The following KLF12 variants were observed in gnomAD, a reference collection of about 807,000 sequenced individuals.
The protein encoded by KLF12 is Krueppel-like factor 12.
In KLF12, 9 loss-of-function variants were observed where a neutral mutation model predicts 37.8. That is an observed-to-expected ratio of 0.24 (90% CI 0.14 to 0.42). The LOEUF (loss-of-function observed/expected upper bound fraction) is 0.42, where lower values mean the gene tolerates loss of function less well. Among genes scored for constraint, KLF12 ranks in the 10% least tolerant of loss-of-function variants. The pLI is 1.00. For synonymous variants in KLF12, 208 were observed against 202.1 expected (o/e 1.03, Z -0.25); for missense variants, 411 against 516.0 (o/e 0.80, Z 1.97).
At chr13:74,071,556 G>A (rs112177440) in intron 1 of KLF12, among the ~76,000 whole-genome samples, 23,985 of 151,864 alleles carry the variant, frequency 0.16, 1,990 homozygotes, top group African/African-American at 0.18. Flanking sequence ...AGCCGGGCGT[G>A]GTGGCAGGCG....
At chr13:73,911,212 T>C (rs925109540) in intron 3 of KLF12, among the ~76,000 whole-genome samples, 2 of 152,134 alleles carry the variant, frequency 1.3e-5, no homozygotes, top group African/African-American at 4.8e-5. Flanking sequence ...CATAAATGTA[T>C]ACAATTATTT....
the KLF12 span, among the ~76,000 whole-genome samples, chr13:74,175,405 T>C: frequency 6.6e-6 from 1 of 152,216 alleles, no homozygotes; most frequent in Non-Finnish European, 1.5e-5. Flanking sequence ...TATTTTCTAA[T>C]AGAGAGGTAA....
chr13:74,202,147 C>T, the KLF12 span, among the ~76,000 whole-genome samples: 1 of 152,124 alleles, frequency 6.6e-6, no homozygotes, highest in Non-Finnish European at 1.5e-5. Flanking sequence ...TCTTAAAGGT[C>T]TTTTGTATTT....
chr13:73,927,983 G>A (rs1889482499), intron 3 of KLF12, among the ~76,000 whole-genome samples: 1 of 151,720 alleles, frequency 6.6e-6, no homozygotes, highest in South Asian at 2.1e-4. Flanking sequence ...TCAGCCTCTT[G>A]AGTAGCTGAG....
chr13:74,201,999 T>C, the KLF12 span, among the ~76,000 whole-genome samples: 1 of 152,292 alleles, frequency 6.6e-6, no homozygotes, highest in East Asian at 1.9e-4. Flanking sequence ...TCTAATCCTA[T>C]GAGAGGCTGT....
At chr13:73,760,671 G>C (rs948058348) in intron 6 of KLF12, among the ~76,000 whole-genome samples, 1 of 151,992 alleles carries the variant, frequency 6.6e-6, no homozygotes, top group Non-Finnish European at 1.5e-5. Context: ...CATACAAATA[G>C]CCCATAAAGT....
chr13:73,984,481 G>A (rs1385836943), intron 2 of KLF12, among the ~76,000 whole-genome samples: 1 of 152,194 alleles, frequency 6.6e-6, no homozygotes, highest in Non-Finnish European at 1.5e-5. Flanking sequence ...TCTGAAGTTA[G>A]AGGCTTATGA....
At chr13:73,756,929 C>T (rs1465656493) in intron 6 of KLF12, among the ~76,000 whole-genome samples, 1 of 152,160 alleles carries the variant, frequency 6.6e-6, no homozygotes, top group Non-Finnish European at 1.5e-5. Flanking sequence ...AGATCCTCTT[C>T]TTTACTTTTG....
the KLF12 span, among the ~76,000 whole-genome samples, chr13:74,298,609 C>T: frequency 2.0e-5 from 3 of 152,034 alleles, no homozygotes; most frequent in Middle Eastern, 3.2e-3. Flanking sequence ...GCTAAAATGG[C>T]AGGGTTTTAT....
intron 1 of KLF12, among the ~76,000 whole-genome samples, chr13:74,012,351 T>C (rs12858058): frequency 0.23 from 35,091 of 152,154 alleles, 4,653 homozygotes; most frequent in Middle Eastern, 0.36. Context: ...TCATAGACTA[T>C]TAAAACGAAA....
intron 3 of KLF12, among the ~76,000 whole-genome samples, chr13:73,937,505 G>A (rs1004734926): frequency 4.6e-5 from 7 of 152,140 alleles, no homozygotes; most frequent in Non-Finnish European, 1.0e-4. Context: ...TCTAGGAAAG[G>A]GCACTTTACA....
chr13:73,764,829 G>A, intron 6 of KLF12, 109 bp downstream of exon 6: 3 of 652,764 alleles, frequency 4.6e-6, no homozygotes, highest in Non-Finnish European at 8.1e-6. Flanking sequence ...CCAGTTAGCA[G>A]GTATGTACTC....
the KLF12 span, among the ~76,000 whole-genome samples, chr13:74,195,493 G>A: frequency 3.3e-5 from 5 of 152,178 alleles, no homozygotes; most frequent in Non-Finnish European, 7.3e-5. Context: ...CTCTGTTAAG[G>A]TTGGGAGGTA....
chr13:74,227,868 C>G, the KLF12 span, among the ~76,000 whole-genome samples: 2 of 152,128 alleles, frequency 1.3e-5, no homozygotes, highest in African/African-American at 2.4e-5. Context: ...GTTGATATAT[C>G]AGGATAACAG....
the KLF12 span, among the ~76,000 whole-genome samples, chr13:74,219,110 C>G: frequency 4.6e-5 from 7 of 152,082 alleles, no homozygotes; most frequent in East Asian, 1.4e-3. Context: ...GTGCACACCA[C>G]CTTGCCTAGC....
chr13:73,989,698 G>A (rs1891914249), intron 2 of KLF12, among the ~76,000 whole-genome samples: 1 of 152,122 alleles, frequency 6.6e-6, no homozygotes, highest in Admixed American at 6.5e-5. Context: ...CTGATACTGT[G>A]CTCTGGCAAA....
intron 1 of KLF12, among the ~76,000 whole-genome samples, chr13:74,005,080 A>G (rs766245534): frequency 1.1e-4 from 17 of 152,252 alleles, no homozygotes; most frequent in Non-Finnish European, 1.9e-4. Flanking sequence ...CTAAACAACT[A>G]TAAATTACAT....
chr13:73,724,364 G>T (rs1366818756), intron 6 of KLF12, among the ~76,000 whole-genome samples: 3 of 152,136 alleles, frequency 2.0e-5, no homozygotes, highest in Non-Finnish European at 4.4e-5. Context: ...ACAGGGAGGG[G>T]AACATCACAC....
At chr13:74,059,796 A>AT (rs1222562023) in intron 1 of KLF12, among the ~76,000 whole-genome samples, 1 of 151,982 alleles carries the variant, frequency 6.6e-6, no homozygotes, top group Non-Finnish European at 1.5e-5. Context: ...CCATTTGTCT[A>AT]TTTTTGATTT....
Sources: allele counts gnomAD v4.1 joint callset (sites outside exome capture counted in the v4.1 genomes callset), GRCh38; gene constraint gnomAD v4.1.1; transcripts MANE v1.5; gene names NCBI Gene and HGNC (gene_info 2026-07-23, HGNC 2026-07-21).